DKK3: variants seen among roughly 807,000 people sequenced by gnomAD.
The protein encoded by DKK3 is dickkopf Wnt signaling pathway inhibitor 3, also known as dickkopf-related protein 3.
In DKK3, 22 loss-of-function variants were observed where a neutral mutation model predicts 33.2. The ratio of observed to expected loss-of-function variants is 0.66; its 90% CI spans 0.47 to 0.95. The LOEUF is 0.95. DKK3 is among the 40% of genes least tolerant of loss of function. DKK3 has a pLI of 0.00. For missense variants in DKK3, 398 were observed against 458.4 expected (o/e 0.87, Z 1.20); for synonymous variants, 194 against 188.8 (o/e 1.03, Z -0.23).
chr11:12,008,882 A>T (rs1263870095), upstream of DKK3: 3 of 1,116,910 alleles, frequency 2.7e-6, no homozygotes, highest in Non-Finnish European at 3.3e-6. The surrounding 1 kb of genome is among the most constrained non-coding windows in gnomAD (Gnocchi z 4.6). Flanking sequence ...GTGATGCTGG[A>T]GCCCTCGCCA....
chr11:11,978,390 T>TTCTTCTTCTTCCCCTTCC (rs1847880157), intron 3 of DKK3, among the ~76,000 whole-genome samples: 1 of 138,066 alleles, frequency 7.2e-6, no homozygotes, highest in Non-Finnish European at 1.6e-5. Context: ...GCAGCTTTTC[T>TTCTTCTTCTTCCCCTTCC]TCTTCTTCTT....
At chr11:11,985,421 G>C (rs1016333897) in intron 3 of DKK3, among the ~76,000 whole-genome samples, 2 of 152,206 alleles carry the variant, frequency 1.3e-5, no homozygotes, top group Non-Finnish European at 2.9e-5. Flanking sequence ...TTCCTCATCT[G>C]TAAAATGGGC....
At chr11:12,003,318 T>C (rs12225330) in intron 1 of DKK3, among the ~76,000 whole-genome samples, 6,759 of 152,202 alleles carry the variant, frequency 0.044, 211 homozygotes, top group East Asian at 0.089. Flanking sequence ...GGTACCCTTG[T>C]AGGAAATCCT....
At chr11:11,996,611 C>A (rs1848298888) in intron 3 of DKK3, among the ~76,000 whole-genome samples, 1 of 152,206 alleles carries the variant, frequency 6.6e-6, no homozygotes, top group Non-Finnish European at 1.5e-5. Context: ...TGCCCCCGGT[C>A]TCCCTTCTAG....
chr11:11,991,712 C>CTGG (rs1351657049), intron 3 of DKK3, among the ~76,000 whole-genome samples: 3 of 152,194 alleles, frequency 2.0e-5, no homozygotes, highest in Admixed American at 1.3e-4. Context: ...GGTGCAGACA[C>CTGG]TGGTGCCATG....
intron 1 of DKK3, among the ~76,000 whole-genome samples, chr11:12,003,003 A>G (rs1034273046): frequency 2.0e-5 from 3 of 152,248 alleles, no homozygotes; most frequent in Admixed American, 1.3e-4. Context: ...CCTTCGCTAG[A>G]CAATTCTAAA....
chr11:12,004,197 C>T (rs1848491896), intron 1 of DKK3, among the ~76,000 whole-genome samples: 2 of 152,126 alleles, frequency 1.3e-5, no homozygotes, highest in Admixed American at 6.5e-5. Context: ...TTCATGGACC[C>T]GCTGAATTGG....
At chr11:12,004,713 A>T (rs1848501813) in intron 1 of DKK3, among the ~76,000 whole-genome samples, 7 of 152,242 alleles carry the variant, frequency 4.6e-5, no homozygotes, top group Admixed American at 4.6e-4. Flanking sequence ...AGAATTAAGG[A>T]CCATGCAGTA....
At chr11:11,994,917 C>A (rs577972071) in intron 3 of DKK3, among the ~76,000 whole-genome samples, 29 of 152,296 alleles carry the variant, frequency 1.9e-4, no homozygotes, top group African/African-American at 6.5e-4. Flanking sequence ...TCACAACATG[C>A]GGTCTCACAC....
chr11:11,968,061 C>A (rs1847639610), intron 4 of DKK3, among the ~76,000 whole-genome samples: 1 of 152,146 alleles, frequency 6.6e-6, no homozygotes, highest in African/African-American at 2.4e-5. Flanking sequence ...ATAGATCCTT[C>A]TGCCTTGGTC....
intron 3 of DKK3, among the ~76,000 whole-genome samples, chr11:11,985,226 T>C (rs979560611): frequency 5.9e-5 from 9 of 152,148 alleles, no homozygotes; most frequent in African/African-American, 2.2e-4. Flanking sequence ...GGCTAGGAGA[T>C]TCCTTTGTGC....
upstream of DKK3, chr11:12,008,912 C>G (rs140546479): frequency 9.3e-7 from 1 of 1,072,428 alleles, no homozygotes; most frequent in Non-Finnish European, 1.1e-6. The surrounding 1 kb of genome is among the most constrained non-coding windows in gnomAD (Gnocchi z 4.6). Context: ...AACCCGGATC[C>G]TCTACGCTAA....
At chr11:12,000,608 G>T (rs956115569) in intron 2 of DKK3, among the ~76,000 whole-genome samples, 4 of 151,602 alleles carry the variant, frequency 2.6e-5, no homozygotes, top group African/African-American at 9.7e-5. Flanking sequence ...AGGTTCAAGT[G>T]ATTCTCCTAC....
intron 3 of DKK3, among the ~76,000 whole-genome samples, chr11:11,970,426 C>T (rs78137314): frequency 0.029 from 4,345 of 152,300 alleles, 143 homozygotes; most frequent in African/African-American, 0.081. Context: ...AAGAGCATAA[C>T]ACCATTTTTT....
At chr11:11,979,432 T>A (rs1252050196) in intron 3 of DKK3, among the ~76,000 whole-genome samples, 1 of 152,100 alleles carries the variant, frequency 6.6e-6, no homozygotes, top group African/African-American at 2.4e-5. Flanking sequence ...CACAGGCGGG[T>A]AGCCAAGTTC....
intron 2 of DKK3, among the ~76,000 whole-genome samples, chr11:11,999,293 T>A (rs948728118): frequency 1.3e-5 from 2 of 152,204 alleles, no homozygotes; most frequent in African/African-American, 4.8e-5. Context: ...TATTCCTGTA[T>A]CTGTTGTCTG....
chr11:11,995,545 T>C (rs1307317013), intron 3 of DKK3, among the ~76,000 whole-genome samples: 1 of 152,256 alleles, frequency 6.6e-6, no homozygotes, highest in Non-Finnish European at 1.5e-5. Context: ...CTAAGCCTTG[T>C]AGCTGCGAGT....
At chr11:11,974,136 T>C (rs1847782826) in intron 3 of DKK3, among the ~76,000 whole-genome samples, 1 of 152,160 alleles carries the variant, frequency 6.6e-6, no homozygotes, top group African/African-American at 2.4e-5. Flanking sequence ...GGGCAAGAAG[T>C]GAGGGTCAAC....
chr11:11,977,627 C>T (rs943786742), intron 3 of DKK3, among the ~76,000 whole-genome samples: 6 of 152,212 alleles, frequency 3.9e-5, no homozygotes, highest in South Asian at 2.1e-4. Flanking sequence ...TCCACAGCCC[C>T]GACCACCTAT....
Sources: allele counts gnomAD v4.1 joint callset (sites outside exome capture counted in the v4.1 genomes callset), GRCh38; gene constraint gnomAD v4.1.1; non-coding constraint Gnocchi (gnomAD v3.1); transcripts MANE v1.5; gene names NCBI Gene and HGNC (gene_info 2026-07-23, HGNC 2026-07-21).